Variants in CEP112 observed in about 807,000 individuals in gnomAD.
CEP112 encodes centrosomal protein of 112 kDa.
CEP112 carries 127 observed loss-of-function variants against 153.0 expected under a neutral mutation model. That is an observed-to-expected ratio of 0.83 (90% CI 0.72 to 0.96). The LOEUF (loss-of-function observed/expected upper bound fraction) is 0.96, where lower values mean the gene tolerates loss of function less well. CEP112 is among the 40% of genes least tolerant of loss of function. The pLI is 0.00. For synonymous variants in CEP112, 358 were observed against 374.4 expected, an observed-to-expected ratio of 0.96 and a Z score of 0.51; for missense variants, 1,089 against 1,101.2, an observed-to-expected ratio of 0.99 and a Z score of 0.16.
In CEP112 at chr17:65,750,816, C is replaced by T. The variant is rs776528439; in HGVS notation, c.2395-92G>A. On this transcript the variant is annotated intron_variant, in intron 21 of 26. Transcript: ENST00000535342. Reference sequence around the variant, plus strand: ...TATCACCAGGCAGCTGGGATGCCTGCCAGCTGCACCGCCCTTCTGGGGCAG... The same window carrying T: ...TATCACCAGGCAGCTGGGATGCCTGTCAGCTGCACCGCCCTTCTGGGGCAG... 3.6e-6 allele frequency: 4 copies of T among 1,101,092 alleles called. No individual in the cohort carries two copies. The African/African-American group carries it at 4.6e-5, about 13-fold the overall frequency. The allele number at this position is 1,101,092 out of a possible 1,614,324, so 68.2% of individuals were successfully genotyped here. A position where few individuals can be genotyped will look rare whatever the true frequency, so the allele number is the denominator to read the frequency against.
chr17:65,994,389 G>T (rs552131690), intron 17 of CEP112, among the ~76,000 whole-genome samples: 1 of 152,102 alleles, frequency 6.6e-6, no homozygotes, highest in Non-Finnish European at 1.5e-5. Flanking sequence ...GTATGGTGGC[G>T]TGGTCATAGC....
intron 4 of CEP112, among the ~76,000 whole-genome samples, chr17:66,157,436 A>C (rs941966814): frequency 6.6e-6 from 1 of 152,178 alleles, no homozygotes; most frequent in Non-Finnish European, 1.5e-5. Flanking sequence ...ACCAAATTAT[A>C]AAAACCATCG....
intron 12 of CEP112, among the ~76,000 whole-genome samples, chr17:66,035,768 G>T (rs2145783543): frequency 6.6e-6 from 1 of 152,304 alleles, no homozygotes; most frequent in South Asian, 2.1e-4. Flanking sequence ...AGCATCTGGA[G>T]ACTCACATTG....
chr17:65,778,527 C>T (rs1305974627), intron 21 of CEP112, among the ~76,000 whole-genome samples: 2 of 152,058 alleles, frequency 1.3e-5, no homozygotes, highest in African/African-American at 4.8e-5. Flanking sequence ...AGGTTATTAA[C>T]ACAGCTCGTG....
intron 21 of CEP112, among the ~76,000 whole-genome samples, chr17:65,838,686 A>C (rs1197937764): frequency 6.6e-6 from 1 of 152,100 alleles, no homozygotes; most frequent in African/African-American, 2.4e-5. Flanking sequence ...AAACCAAAAA[A>C]AGAAAAATCA....
intron 23 of CEP112, among the ~76,000 whole-genome samples, chr17:65,727,478 A>G (rs956578060): frequency 6.6e-6 from 1 of 152,188 alleles, no homozygotes; most frequent in Admixed American, 6.5e-5. Context: ...AGGCTGTTTT[A>G]AATCAATCGC....
At chr17:66,166,919 A>G (rs905875650) in intron 4 of CEP112, among the ~76,000 whole-genome samples, 6 of 148,982 alleles carry the variant, frequency 4.0e-5, no homozygotes, top group African/African-American at 7.3e-5. Flanking sequence ...AAAAAAAAAA[A>G]AAACACACAG....
Position 66,014,826 on chromosome 17 carries a change from C to A in CEP112, c.1657-9057G>T, listed in dbSNP as rs77669640. On this transcript the variant is annotated intron_variant, in intron 16 of 26. Transcript: ENST00000535342. ...CTCTCAGTAACTTTCCTCTGAAGAT[C>A]GACTTGGAATGTGCCAGTCTTCCCA... Among the ~76,000 whole-genome samples the A allele has an allele frequency of 8.3e-3, 1,264 of 152,266 alleles. 14 individuals are homozygous for A. The highest frequency in any genetic ancestry group is 9.2e-3 in the Non-Finnish European group (623 of 68,028).
intron 9 of CEP112, among the ~76,000 whole-genome samples, chr17:66,067,888 G>A (rs2146060719): frequency 6.6e-6 from 1 of 152,150 alleles, no homozygotes; most frequent in East Asian, 1.9e-4. Flanking sequence ...TTCTTCAGCT[G>A]GGCATGTCCC....
chr17:66,183,443 C>A (rs1568590748), intron 1 of CEP112, 136 bp from the exon 2 acceptor site: 1 of 518,978 alleles, frequency 1.9e-6, no homozygotes, highest in Non-Finnish European at 3.4e-6. Context: ...TAATGCAACT[C>A]CCATCAAAAC....
At chr17:65,921,876 C>T (rs987565997) in intron 19 of CEP112, among the ~76,000 whole-genome samples, 2 of 151,852 alleles carry the variant, frequency 1.3e-5, no homozygotes, top group African/African-American at 4.8e-5. Flanking sequence ...TACATGCTTC[C>T]AGACAAATTT....
intron 23 of CEP112, among the ~76,000 whole-genome samples, chr17:65,737,203 C>T (rs1288812607): frequency 6.6e-6 from 1 of 152,110 alleles, no homozygotes; most frequent in East Asian, 1.9e-4. Context: ...AATGCACCAA[C>T]AGAACAATAT....
chr17:65,886,943 A>G (rs1480106739), intron 20 of CEP112, among the ~76,000 whole-genome samples: 1 of 152,116 alleles, frequency 6.6e-6, no homozygotes, highest in Non-Finnish European at 1.5e-5. Context: ...ATGCTGGGGG[A>G]CACTCTTCTA....
chr17:66,009,924 C>T (rs747023592), intron 16 of CEP112, among the ~76,000 whole-genome samples: 13 of 152,074 alleles, frequency 8.5e-5, no homozygotes, highest in African/African-American at 1.9e-4. Context: ...TTTTTGCTTA[C>T]GATTGTCTTG....
chr17:65,868,948 G>A (rs1246050634), intron 20 of CEP112, among the ~76,000 whole-genome samples: 1 of 152,102 alleles, frequency 6.6e-6, no homozygotes, highest in African/African-American at 2.4e-5. Context: ...ATTTTTATAG[G>A]GCTCAAATTT....
In CEP112 at chr17:66,063,006, C is replaced by G; in HGVS notation, c.1031G>C (p.Cys344Ser). Reference protein sequence around the residue: ...EDQIAELKKICEQSTESLNND... With the variant: ...EDQIAELKKISEQSTESLNND... Reference sequence around the variant, plus strand: ...ATTTAGAGATTCCGTACTTTGTTCACATATCTTTTTCAGCTCTGCAATCTG... The same window carrying G: ...ATTTAGAGATTCCGTACTTTGTTCAGATATCTTTTTCAGCTCTGCAATCTG... Residue 344 changes from cysteine to serine, a missense_variant, in exon 11 of 27, where the codon TGT becomes TCT. Transcript: ENST00000535342. 6.2e-7 allele frequency: 1 copy of G among 1,600,016 alleles called. No homozygotes were observed. Among genetic ancestry groups the G allele is most frequent in the Non-Finnish European group, 8.5e-7 (1 of 1,173,308 alleles).
chr17:66,001,392 A>G (rs1243181501), intron 17 of CEP112, among the ~76,000 whole-genome samples: 1 of 152,188 alleles, frequency 6.6e-6, no homozygotes, highest in Non-Finnish European at 1.5e-5. Context: ...CCCATTCTGT[A>G]GGTTGTGTTT....
intron 20 of CEP112, among the ~76,000 whole-genome samples, chr17:65,869,288 A>G (rs1371858032): frequency 1.3e-5 from 2 of 152,238 alleles, no homozygotes; most frequent in Non-Finnish European, 2.9e-5. Context: ...ATTTGGTATT[A>G]TCGGAAGTGC....
intron 20 of CEP112, among the ~76,000 whole-genome samples, chr17:65,897,960 A>G (rs565424433): frequency 6.6e-6 from 1 of 152,084 alleles, no homozygotes; most frequent in Admixed American, 6.6e-5. Flanking sequence ...AGAATTATAC[A>G]ATTCACAGCA....
Sources: gnomAD v4.1 joint callset for allele counts (sites outside exome capture counted in the v4.1 genomes callset) on GRCh38, gnomAD v4.1.1 for gene constraint, MANE v1.5 for transcripts, NCBI Gene and HGNC (gene_info 2026-07-23, HGNC 2026-07-21) for gene names.